Variants in FLNB observed in about 807,000 individuals in gnomAD.
FLNB encodes filamin B.
FLNB carries 111 observed loss-of-function variants against 250.6 expected under a neutral mutation model. The ratio of observed to expected loss-of-function variants is 0.44; its 90% CI spans 0.38 to 0.52. The LOEUF (loss-of-function observed/expected upper bound fraction) is 0.52. FLNB is among the 20% of genes least tolerant of loss of function. The pLI, the probability that FLNB is intolerant of heterozygous loss-of-function variation, is 0.00. For missense variants in FLNB, 2,869 were observed against 3,447.8 expected (o/e 0.83, Z 4.20); for synonymous variants, 1,302 against 1,372.1 (o/e 0.95, Z 1.13).
chr3:58,153,732 A>C, intron 39 of FLNB, 91 bp downstream of exon 39: 1 of 1,448,028 alleles, frequency 6.9e-7, no homozygotes, highest in Non-Finnish European at 9.6e-7. Context: ...CCCATTTGAA[A>C]GAGAAGACTT....
intron 1 of FLNB, among the ~76,000 whole-genome samples, chr3:58,071,274 CTTTTTTTTTT>C (rs57488190): frequency 2.5e-5 from 2 of 81,604 alleles, no homozygotes; most frequent in Admixed American, 1.6e-4. Context: ...CTCCTCGATT[CTTTTTTTTTT>C]TTTTTTTTTT....
chr3:58,076,968 C>T lies in FLNB; in HGVS notation c.293-78C>T, dbSNP rs2097202601. ...ATGGTTCTCTAATAGTTGAAGACTC[C>T]ATTTACATTTATATAAGGAGCATAA... On this transcript the variant is annotated intron_variant, in intron 1 of 45. Transcript: ENST00000295956. The T allele has an allele frequency of 4.7e-6, 7 of 1,493,600 alleles. No individual in the cohort carries two copies. In the South Asian group the frequency reaches 8.0e-5, roughly 17 times the overall value. The allele number at this position is 1,493,600 out of a possible 1,614,324, so 92.5% of individuals were successfully genotyped here. A position where few individuals can be genotyped will look rare whatever the true frequency, so the allele number is the denominator to read the frequency against.
At position 58,170,679 on chromosome 3, in the gene FLNB, A is replaced by G; in HGVS notation, c.7726A>G (p.Lys2576Glu). The change falls in exon 46 of 46, where the codon AAG becomes GAG. Residue 2576 changes from lysine (K) to glutamate (E), a missense_variant. Lys to Glu is a moderately conservative substitution (Grantham distance 56, BLOSUM62 1). Around this residue, in one of 5 missense-constraint regions of FLNB, gnomAD observed 1,084 missense variants for 1,315.5 expected, o/e 0.82. Coordinates refer to ENST00000295956, the MANE Select transcript of FLNB (RefSeq NM_001457.4). ...GCAATACAACGTCACATACGTCGTC[A>G]AGGAGAGGGGCGATTATGTGCTGGC... ...NQQYNVTYVVKERGDYVLAVK... is the reference protein window; with the variant it reads ...NQQYNVTYVVEERGDYVLAVK... 6.2e-7 allele frequency: 1 copy of G among 1,614,142 alleles called. No homozygotes were observed. The highest frequency in any genetic ancestry group is 1.1e-5 in the South Asian group (1 of 91,080).
At chr3:58,156,108 C>CT in intron 41 of FLNB, 33 bp downstream of exon 41, 1 of 1,539,360 alleles carries the variant, frequency 6.5e-7, no homozygotes, top group Non-Finnish European at 9.0e-7. Context: ...TCTCCTTGGC[C>CT]GCAGGCCACC....
At chr3:58,168,808 A>G in intron 44 of FLNB, 150 bp downstream of exon 44, 1 of 701,968 alleles carries the variant, frequency 1.4e-6, no homozygotes, top group South Asian at 1.5e-5. Flanking sequence ...GTCAGAGGGC[A>G]GTGTTTGAAA....
At chr3:58,134,888 G>A (rs1293585392) in intron 27 of FLNB, 116 bp downstream of exon 27, 1 of 981,892 alleles carries the variant, frequency 1.0e-6, no homozygotes, top group South Asian at 1.5e-5. Context: ...TTGTTTGTTA[G>A]ATTTTCCCAC....
intron 33 of FLNB, 86 bp from the exon 34 acceptor site, chr3:58,146,734 C>G: frequency 7.1e-7 from 1 of 1,401,720 alleles, no homozygotes; most frequent in South Asian, 1.2e-5. Context: ...AGCATCAGGG[C>G]TGCCCTGGAT....
rs539486468 is a variant in FLNB, at chr3:58,167,182, G to T, written c.7199-1258G>T. On this transcript the variant is annotated intron_variant, in intron 43 of 45. Transcript: ENST00000295956. ...TATCATCACCTTACAGCTGCTTCCTGGATGGACACACTGTCTCCTTGTTGC... is the reference window on the plus strand; with the variant it reads ...TATCATCACCTTACAGCTGCTTCCTTGATGGACACACTGTCTCCTTGTTGC... Among the ~76,000 whole-genome samples, 41 of 152,298 alleles carry T rather than the reference G, an allele frequency of 2.7e-4. No homozygotes were observed. The South Asian group carries it at 8.1e-3, about 30-fold the overall frequency.
intron 4 of FLNB, among the ~76,000 whole-genome samples, chr3:58,092,253 G>A (rs575449173): frequency 2.6e-5 from 4 of 152,260 alleles, no homozygotes; most frequent in Non-Finnish European, 4.4e-5. Context: ...AATGCAGAAC[G>A]GATGGAGAGA....
intron 1 of FLNB, among the ~76,000 whole-genome samples, chr3:58,016,954 A>C (rs185580172): frequency 6.6e-6 from 1 of 152,236 alleles, no homozygotes; most frequent in African/African-American, 2.4e-5. Context: ...TTAAACGGGC[A>C]CAGTAATCCC....
chr3:58,077,504 G>C (rs886737686), intron 2 of FLNB, among the ~76,000 whole-genome samples: 1 of 152,252 alleles, frequency 6.6e-6, no homozygotes, highest in Admixed American at 6.5e-5. Flanking sequence ...AGACATGTTT[G>C]AGCATCAAGT....
intron 1 of FLNB, among the ~76,000 whole-genome samples, chr3:58,053,738 A>C (rs990244754): frequency 1.3e-5 from 2 of 152,306 alleles, no homozygotes; most frequent in South Asian, 4.1e-4. Flanking sequence ...CTGGGATTAC[A>C]GACGTGAGCC....
chr3:58,100,373 A>AT lies in FLNB; in HGVS notation c.1345+1465_1345+1466insT, dbSNP rs1553696152. 6.2e-4 allele frequency among the ~76,000 whole-genome samples: 65 copies of AT among 104,344 alleles called. 1 individual carries two copies. The highest frequency in any genetic ancestry group is 2.0e-3 in the South Asian group (6 of 2,936). 68.5% of individuals were successfully genotyped at this position (104,344 alleles called of 152,430 possible). On this transcript the variant is annotated intron_variant, in intron 8 of 45. Transcript: ENST00000295956. ...AATGATTTTACATATGTAAAAAAAA[A>AT]ATATATATATATTTGCAGGGGCGCG...
chr3:58,162,916 T>G, intron 42 of FLNB: 1 of 536,898 alleles, frequency 1.9e-6, no homozygotes. Flanking sequence ...GAGGCAGGGG[T>G]CAGAGTCTTG....
At chr3:58,044,561 G>A (rs1344092322) in intron 1 of FLNB, among the ~76,000 whole-genome samples, 1 of 152,176 alleles carries the variant, frequency 6.6e-6, no homozygotes, top group East Asian at 1.9e-4. Context: ...GCGGGTCGAG[G>A]TTGCAGCAAG....
At chr3:58,082,715 G>A (rs1178282324) in intron 4 of FLNB, among the ~76,000 whole-genome samples, 2 of 151,730 alleles carry the variant, frequency 1.3e-5, no homozygotes, top group Admixed American at 6.6e-5. Flanking sequence ...AGGTTGCATC[G>A]AGCCGAGATC....
At chr3:58,127,530 T>G (rs899731572) in intron 24 of FLNB, among the ~76,000 whole-genome samples, 2 of 152,166 alleles carry the variant, frequency 1.3e-5, no homozygotes, top group Non-Finnish European at 2.9e-5. Context: ...CTATGACACT[T>G]TGGGCTAGAT....
At position 58,142,156 on chromosome 3, in the gene FLNB, C is replaced by T. The variant is rs927623340; in HGVS notation, c.5181+227C>T. ...TCGCCAGCCGTCGTGTCTGTGATCA[C>T]GCTCGGTGCAGTTTGTCTCTGTGTT... is the stretch of plus-strand genomic sequence containing the variant. On this transcript the variant is annotated intron_variant, in intron 30 of 45. Transcript: ENST00000295956. This position sits in a 1 kb window ranked among gnomAD's most constrained non-coding sequence, Gnocchi z 4.3. Among the ~76,000 whole-genome samples, 1 of 152,178 alleles carries T rather than the reference C, an allele frequency of 6.6e-6. No homozygotes were observed. Among genetic ancestry groups the T allele is most frequent in the Admixed American group, 6.5e-5 (1 of 15,286 alleles).
At chr3:58,053,366 T>C (rs2097165529) in intron 1 of FLNB, among the ~76,000 whole-genome samples, 1 of 152,224 alleles carries the variant, frequency 6.6e-6, no homozygotes, top group South Asian at 2.1e-4. Flanking sequence ...GTGGTATACA[T>C]CATTGATTAC....
Sources: allele counts gnomAD v4.1 joint callset (sites outside exome capture counted in the v4.1 genomes callset), GRCh38; gene constraint gnomAD v4.1.1; regional missense constraint gnomAD v4.1.1; non-coding constraint Gnocchi (gnomAD v3.1); transcripts MANE v1.5; gene names NCBI Gene and HGNC (gene_info 2026-07-23, HGNC 2026-07-21).